Variants in CDH4 observed in about 807,000 individuals in gnomAD.
CDH4 encodes cadherin 4.
Under a neutral mutation model 86.0 loss-of-function variants are expected in CDH4, and 33 were observed. That is an observed-to-expected ratio of 0.38 (90% CI 0.29 to 0.51). The LOEUF (loss-of-function observed/expected upper bound fraction) is 0.51, where lower values mean the gene tolerates loss of function less well. Among genes scored for constraint, CDH4 ranks in the 20% least tolerant of loss-of-function variants. The pLI is 0.86. For missense variants in CDH4, 1,114 were observed against 1,307.4 expected, an observed-to-expected ratio of 0.85 and a Z score of 2.28; for synonymous variants, 555 against 549.4, an observed-to-expected ratio of 1.01 and a Z score of -0.14.
At chr20:61,755,319 G>A (rs1189624421) in intron 3 of CDH4, among the ~76,000 whole-genome samples, 4 of 132,414 alleles carry the variant, frequency 3.0e-5, no homozygotes, top group Non-Finnish European at 6.5e-5. Context: ...AGTGCACACC[G>A]CACACACACT....
intron 2 of CDH4, among the ~76,000 whole-genome samples, chr20:61,686,341 G>A (rs1344306237): frequency 2.0e-5 from 3 of 152,220 alleles, no homozygotes; most frequent in Admixed American, 6.5e-5. Flanking sequence ...CCAACTGTGC[G>A]TGTATATGTG....
At chr20:61,405,932 G>A (rs931511336) in intron 2 of CDH4, among the ~76,000 whole-genome samples, 38 of 152,054 alleles carry the variant, frequency 2.5e-4, no homozygotes, top group Admixed American at 9.2e-4. Context: ...CATCCGCCTC[G>A]GCCTCTCAAA....
intron 2 of CDH4, among the ~76,000 whole-genome samples, chr20:61,716,531 G>A (rs563765672): frequency 6.6e-6 from 1 of 152,356 alleles, no homozygotes; most frequent in South Asian, 2.1e-4. Context: ...CACCCACTAA[G>A]GTAATCCCCA....
chr20:61,879,067 A>T lies in CDH4; in HGVS notation c.1050+5167A>T, dbSNP rs1056141601. On this transcript the variant is annotated intron_variant, in intron 7 of 15. Transcript: ENST00000614565. This position sits in a 1 kb window ranked among gnomAD's most constrained non-coding sequence, Gnocchi z 4.1. ...AAACAATAAAACAACAACAGGTTTT[A>T]AGACAACGGCTCCAGGACCACCGTT... Among the ~76,000 whole-genome samples, 2 of 152,246 alleles carry T rather than the reference A, an allele frequency of 1.3e-5. No homozygotes were observed. The highest frequency in any genetic ancestry group is 1.3e-4 in the Admixed American group (2 of 15,280).
intron 4 of CDH4, among the ~76,000 whole-genome samples, chr20:61,822,874 C>G (rs537988954): frequency 2.6e-5 from 4 of 152,170 alleles, no homozygotes; most frequent in African/African-American, 9.7e-5. Context: ...TCTGTGAACA[C>G]AGTATTGCCA....
At chr20:61,764,954 T>G (rs750307352) in intron 3 of CDH4, among the ~76,000 whole-genome samples, 2 of 152,166 alleles carry the variant, frequency 1.3e-5, no homozygotes, top group Non-Finnish European at 2.9e-5. Context: ...ATGCATTCCA[T>G]AGGAAGCACA....
chr20:61,914,367 T>G (rs2054883279), intron 9 of CDH4, among the ~76,000 whole-genome samples: 1 of 152,166 alleles, frequency 6.6e-6, no homozygotes, highest in Non-Finnish European at 1.5e-5. Flanking sequence ...CCCCCGCTTT[T>G]TTCTCCTTTC....
chr20:61,775,461 A>T (rs2088827940), intron 4 of CDH4, among the ~76,000 whole-genome samples: 1 of 152,208 alleles, frequency 6.6e-6, no homozygotes, highest in Non-Finnish European at 1.5e-5. Flanking sequence ...GCCAGGTGGT[A>T]AATATTCTAG....
intron 2 of CDH4, among the ~76,000 whole-genome samples, chr20:61,701,236 T>C (rs1400811224): frequency 1.2e-4 from 18 of 152,142 alleles, no homozygotes; most frequent in Admixed American, 1.2e-3. Context: ...CCCACCTTAC[T>C]CCAATATGAC....
At chr20:61,767,033 G>C (rs1179951643) in intron 3 of CDH4, among the ~76,000 whole-genome samples, 1 of 152,234 alleles carries the variant, frequency 6.6e-6, no homozygotes, top group East Asian at 1.9e-4. Flanking sequence ...GGCCTTCCAA[G>C]CTTGAGCGGG....
At position 61,921,889 on chromosome 20, in the gene CDH4, C is replaced by G. The variant is rs1271179656; in HGVS notation, c.1375-1562C>G. ...CATTTTTATTAGTTTTTGGTTTATC[C>G]TCACGATGTTTCTTTCTGCAAATAT... On this transcript the variant is annotated intron_variant, in intron 9 of 15. Coordinates refer to ENST00000614565, the MANE Select transcript of CDH4 (RefSeq NM_001794.5). Among the ~76,000 whole-genome samples, 3 of 152,190 alleles carry G rather than the reference C, an allele frequency of 2.0e-5. 1 individual carries two copies. The highest frequency in any genetic ancestry group is 4.4e-5 in the Non-Finnish European group (3 of 68,038).
At chr20:61,353,680 C>CTCTTCTTCCTCCCT (rs2084728682) in intron 2 of CDH4, among the ~76,000 whole-genome samples, 7 of 5,004 alleles carry the variant, frequency 1.4e-3, no homozygotes, top group Non-Finnish European at 2.3e-3. Flanking sequence ...CCCCCTCCTC[C>CTCTTCTTCCTCCCT]TCCCCCTCCT....
intron 2 of CDH4, among the ~76,000 whole-genome samples, chr20:61,487,605 TC>T (rs1403659377): frequency 1.3e-5 from 2 of 152,092 alleles, no homozygotes; most frequent in Non-Finnish European, 2.9e-5. Flanking sequence ...ATTTCCCCAT[TC>T]CTCCCTGAAC....
At chr20:61,924,191 G>C in intron 10 of CDH4, 143 bp from the exon 11 acceptor site, 4 of 810,156 alleles carry the variant, frequency 4.9e-6, no homozygotes, top group Non-Finnish European at 7.6e-6. Flanking sequence ...AGCCCTAGAG[G>C]AGGACAAGGC....
chr20:61,388,142 A>G (rs1038510255), intron 2 of CDH4, among the ~76,000 whole-genome samples: 1 of 152,206 alleles, frequency 6.6e-6, no homozygotes, highest in Non-Finnish European at 1.5e-5. Flanking sequence ...TGGAGACGGC[A>G]GGGCTGGCTG....
chr20:61,840,293 G>A (rs1162375937), intron 4 of CDH4, among the ~76,000 whole-genome samples: 1 of 152,172 alleles, frequency 6.6e-6, no homozygotes, highest in Non-Finnish European at 1.5e-5. Flanking sequence ...GAATCTGGGT[G>A]TAACTCTCTC....
intron 2 of CDH4, among the ~76,000 whole-genome samples, chr20:61,600,786 A>T (rs1376201840): frequency 6.6e-6 from 1 of 151,718 alleles, no homozygotes; most frequent in African/African-American, 2.4e-5. Flanking sequence ...AGTGCTATGT[A>T]AATAGTTAGA....
rs148171382 is a variant in CDH4 at position 61,935,430 on chromosome 20, G to A, written c.2544+1210G>A. On this transcript the variant is annotated intron_variant, in intron 15 of 15. Transcript: ENST00000614565. ...AATAAAAACGTAAAGATCCCCAAAC[G>A]TTTGCCCTGCCCAGTCTATAATTAA... Among the ~76,000 whole-genome samples the A allele has an allele frequency of 3.3e-5, 5 of 151,930 alleles. No homozygotes were observed. In the East Asian group the frequency reaches 7.7e-4, roughly 23 times the overall value.
intron 2 of CDH4, among the ~76,000 whole-genome samples, chr20:61,737,256 G>A (rs537230387): frequency 6.6e-6 from 1 of 152,246 alleles, no homozygotes; most frequent in East Asian, 1.9e-4. Flanking sequence ...AGAAAACATG[G>A]GCTTTAAAAT....
Sources: allele counts gnomAD v4.1 joint callset (sites outside exome capture counted in the v4.1 genomes callset), GRCh38; gene constraint gnomAD v4.1.1; non-coding constraint Gnocchi (gnomAD v3.1); transcripts MANE v1.5; gene names NCBI Gene and HGNC (gene_info 2026-07-23, HGNC 2026-07-21).